The following COQ7 variants were observed in gnomAD, a reference collection of about 807,000 sequenced individuals.
COQ7 encodes NADPH-dependent 3-demethoxyubiquinone 3-hydroxylase, mitochondrial.
A neutral mutation model predicts 25.0 loss-of-function variants in COQ7; 21 were observed. The ratio of observed to expected loss-of-function variants is 0.84; its 90% CI spans 0.60 to 1.21. The LOEUF is 1.21. Among genes scored for constraint, COQ7 ranks in the 50% most tolerant of loss-of-function variants. The probability of loss-of-function intolerance (pLI) is 0.00; values close to 1 mark genes in which losing one functional copy is unlikely to be tolerated. For missense variants in COQ7, 311 were observed against 296.2 expected (o/e 1.05, Z -0.37); for synonymous variants, 125 against 112.4 (o/e 1.11, Z -0.71).
Position 19,078,572 on chromosome 16 carries a change from C to T in COQ7, c.*414C>T, listed in dbSNP as rs1596837479. The T allele has an allele frequency of 6.6e-6, 1 of 152,348 alleles. No homozygotes were observed. Among genetic ancestry groups the T allele is most frequent in the African/African-American group, 2.4e-5 (1 of 41,422 alleles). 9.4% of individuals were successfully genotyped at this position (152,348 alleles called of 1,614,324 possible). On this transcript the variant is annotated 3_prime_UTR_variant, in exon 6 of 6. Transcript: ENST00000321998. Reference sequence around the variant, plus strand: ...CTAGCCTCAAGCAATCCACCCACCTCAGCCTTCCAAGTAGCTGGGACTACA... The same window carrying T: ...CTAGCCTCAAGCAATCCACCCACCTTAGCCTTCCAAGTAGCTGGGACTACA...
Position 19,071,998 on chromosome 16 carries a change from T to G in COQ7, c.144T>G (p.Ala48=). Residue 48 remains alanine (A), a synonymous_variant, in exon 2 of 6, where the codon GCT becomes GCG. Transcript: ENST00000321998. ...CTTTAGACAATATCAGTCGGGCAGC[T>G]GTGGATCGAATAATCCGGGTGGATC... The part of the protein sequence containing the change: ...GMTLDNISRA[A]VDRIIRVDHA... 3 of 1,614,244 alleles carry G rather than the reference T, an allele frequency of 1.9e-6. No homozygotes were observed. Among genetic ancestry groups the G allele is most frequent in the South Asian group, 2.2e-5 (2 of 91,086 alleles).
intron 4 of COQ7, 56 bp downstream of exon 4, chr16:19,075,916 A>G (rs767056096): frequency 7.5e-6 from 12 of 1,609,396 alleles, no homozygotes; most frequent in Middle Eastern, 1.7e-4. Flanking sequence ...GCAGATAGCA[A>G]TTGGGTAAGA....
intron 1 of COQ7, 31 bp downstream of exon 1, chr16:19,067,768 G>T (rs531594441): frequency 4.4e-6 from 7 of 1,587,702 alleles, no homozygotes; most frequent in African/African-American, 1.4e-5. Context: ...ACAGTCCTGC[G>T]CCGGTCTAGC....
At chr16:19,078,026 A>G in intron 5 of COQ7, 55 bp from the exon 6 acceptor site, 1 of 1,424,264 alleles carries the variant, frequency 7.0e-7, no homozygotes, top group African/African-American at 1.4e-5. Flanking sequence ...CCTGAATCTT[A>G]CAACCGAAAA....
chr16:19,070,338 T>C (rs1962490359), intron 1 of COQ7, among the ~76,000 whole-genome samples: 1 of 152,190 alleles, frequency 6.6e-6, no homozygotes, highest in Non-Finnish European at 1.5e-5. Context: ...AAAATGAATT[T>C]TTTCCACATA....
chr16:19,077,244 T>G, intron 4 of COQ7, 62 bp from the exon 5 acceptor site: 1 of 1,461,142 alleles, frequency 6.8e-7, no homozygotes, highest in Middle Eastern at 1.7e-4. Flanking sequence ...GCCTCCAAAA[T>G]GAAATGGAAC....
Position 19,073,927 on chromosome 16 carries a change from T to G in COQ7, c.259T>G (p.Trp87Gly), listed in dbSNP as rs1255683103. The G allele has an allele frequency of 6.2e-7, 1 of 1,612,620 alleles. No homozygotes were observed. Among genetic ancestry groups the G allele is most frequent in the Admixed American group, 1.7e-5 (1 of 59,930 alleles). Residue 87 changes from tryptophan to glycine, a missense_variant, in exon 3 of 6, where the codon TGG (tryptophan) becomes GGG (glycine). Trp to Gly is a radical substitution (Grantham distance 184). Coordinates refer to ENST00000321998, the MANE Select transcript of COQ7 (RefSeq NM_016138.5). ...TSVGPVIQKM[W>G]DQEKDHLKKF... ...ATTTTTATGTTTCTTGCAGAAAATG[T>G]GGGATCAAGAAAAGGACCATTTGAA...
chr16:19,075,878 A>G lies in COQ7; in HGVS notation c.507+18A>G, dbSNP rs761554287. ...TTCTTCAGGTATTTATCCGTGCTCT[A>G]GAACGGGGCTGCTCAAGGAGGAAAA... On this transcript the variant is annotated intron_variant, in intron 4 of 5. Coordinates refer to ENST00000321998, the MANE Select transcript of COQ7 (RefSeq NM_016138.5). 19 of 1,614,002 alleles carry G rather than the reference A, an allele frequency of 1.2e-5. No individual in the cohort carries two copies. Among genetic ancestry groups the G allele is most frequent in the Non-Finnish European group, 1.4e-5 (17 of 1,179,970 alleles).
At chr16:19,068,979 A>G (rs928262008) in intron 1 of COQ7, 5 of 415,116 alleles carry the variant, frequency 1.2e-5, no homozygotes, top group Admixed American at 1.1e-4. Context: ...GTGTTGGGAA[A>G]GTGTTAAGGC....
chr16:19,068,402 A>G, intron 1 of COQ7: 1 of 989,438 alleles, frequency 1.0e-6, no homozygotes, highest in Middle Eastern at 5.2e-4. Context: ...CTATAATCTC[A>G]GCACTTTGGG....
intron 1 of COQ7, chr16:19,068,924 A>G (rs1962401430): frequency 2.3e-6 from 1 of 443,126 alleles, no homozygotes; most frequent in Non-Finnish European, 4.5e-6. Context: ...AAGTTATGAA[A>G]TTGTATTAAA....
rs1374475767 is a variant in COQ7 at position 19,079,229 on chromosome 16, C to T, written c.*1071C>T. 6.6e-6 allele frequency: 1 copy of T among 152,180 alleles called. No homozygotes were observed. The highest frequency in any genetic ancestry group is 1.9e-4 in the East Asian group (1 of 5,198). The allele number at this position is 152,180 out of a possible 1,614,324, so 9.4% of individuals were successfully genotyped here. A position where few individuals can be genotyped will look rare whatever the true frequency, so the allele number is the denominator to read the frequency against. ...ATCACGGACTTCCCAGCCTCTAGGA[C>T]TGTGAGCAATAAATGTTTGATGTTT... On this transcript the variant is annotated 3_prime_UTR_variant, in exon 6 of 6. Transcript: ENST00000321998.
chr16:19,075,613 A>G, intron 3 of COQ7, 108 bp from the exon 4 acceptor site: 1 of 1,258,806 alleles, frequency 7.9e-7, no homozygotes, highest in Non-Finnish European at 1.1e-6. Flanking sequence ...ACAAAGAATG[A>G]CCCGGCCCGA....
chr16:19,080,731 G>A (rs1963082116), downstream of COQ7, among the ~76,000 whole-genome samples: 1 of 151,918 alleles, frequency 6.6e-6, no homozygotes, highest in South Asian at 2.1e-4. Context: ...TAATATCTGA[G>A]TATATGATAT....
chr16:19,074,735 G>A (rs1435615366), intron 3 of COQ7, among the ~76,000 whole-genome samples: 4 of 152,020 alleles, frequency 2.6e-5, no homozygotes, highest in Non-Finnish European at 5.9e-5. Context: ...GTAGAGATGG[G>A]GTCTCGTTAT....
intron 1 of COQ7, among the ~76,000 whole-genome samples, chr16:19,069,278 A>C (rs565143654): frequency 1.3e-5 from 2 of 152,362 alleles, no homozygotes; most frequent in East Asian, 1.9e-4. Context: ...GCCAGTGAGC[A>C]TAACAGAATA....
intron 1 of COQ7, chr16:19,068,373 C>T (rs1962353554): frequency 3.0e-6 from 3 of 989,118 alleles, no homozygotes; most frequent in Non-Finnish European, 2.4e-6. Context: ...GTCATGAGCC[C>T]GGGCGCGGTG....
chr16:19,074,799 C>T (rs943363351), intron 3 of COQ7, among the ~76,000 whole-genome samples: 3 of 152,062 alleles, frequency 2.0e-5, no homozygotes, highest in African/African-American at 7.2e-5. Flanking sequence ...CCTCTCTGGC[C>T]TCCCCGAAGT....
At chr16:19,082,222 G>T (rs1432828792), downstream of COQ7, among the ~76,000 whole-genome samples, 1 of 152,166 alleles carries the variant, frequency 6.6e-6, no homozygotes, top group East Asian at 1.9e-4. Context: ...AAAATATTAT[G>T]CTTGGGTCCA....
Sources: allele counts gnomAD v4.1 joint callset (sites outside exome capture counted in the v4.1 genomes callset), GRCh38; gene constraint gnomAD v4.1.1; transcripts MANE v1.5; gene names NCBI Gene and HGNC (gene_info 2026-07-23, HGNC 2026-07-21).